The following CCDC175 variants were observed in gnomAD, a reference collection of about 807,000 sequenced individuals.
CCDC175 encodes coiled-coil domain containing 175.
Under a neutral mutation model 114.6 loss-of-function variants are expected in CCDC175, and 100 were observed. The observed-to-expected ratio is 0.87, with a 90% CI of 0.74 to 1.03. CCDC175 has a LOEUF of 1.03. Among genes scored for constraint, CCDC175 ranks in the 50% least tolerant of loss-of-function variants. CCDC175 has a pLI of 0.00. For missense variants in CCDC175, 880 were observed against 917.8 expected (o/e 0.96, Z 0.53); for synonymous variants, 306 against 308.7 (o/e 0.99, Z 0.09).
chr14:59,558,593 C>T (rs1380243412), intron 7 of CCDC175, among the ~76,000 whole-genome samples: 2 of 152,120 alleles, frequency 1.3e-5, no homozygotes, highest in South Asian at 2.1e-4. Context: ...GCTGGACTAA[C>T]TAGGTAAATG....
intron 13 of CCDC175, among the ~76,000 whole-genome samples, chr14:59,537,241 G>C (rs1193480242): frequency 6.6e-6 from 1 of 152,112 alleles, no homozygotes; most frequent in African/African-American, 2.4e-5. Flanking sequence ...GAAAGAACTG[G>C]CTGTCCTTGG....
rs35273647 is a variant in CCDC175 at position 59,575,031 on chromosome 14, G to GAA, written c.158-5_158-4dup. The GAA allele has an allele frequency of 1.1e-3, 1,462 of 1,377,732 alleles. No individual in the cohort carries two copies. The highest frequency in any genetic ancestry group is 3.1e-3 in the African/African-American group (206 of 67,192). The allele number at this position is 1,377,732 out of a possible 1,614,324, so 85.3% of individuals were successfully genotyped here. ...ATAGTCACTTTGCAGTGATTGTTCT[G>GAA]AAAAAAAAATTAGAAAATAAAGATC... On this transcript the variant is annotated splice_polypyrimidine_tract_variant and splice_region_variant and intron_variant, in intron 1 of 19. Transcript: ENST00000537690.
At chr14:59,555,425 T>TA (rs1249908868) in intron 7 of CCDC175, among the ~76,000 whole-genome samples, 1 of 152,196 alleles carries the variant, frequency 6.6e-6, no homozygotes, top group Non-Finnish European at 1.5e-5. Context: ...CCTCCAATGC[T>TA]AAAAACTCTC....
intron 17 of CCDC175, among the ~76,000 whole-genome samples, chr14:59,519,847 C>T (rs769785082): frequency 4.6e-5 from 7 of 152,230 alleles, no homozygotes; most frequent in African/African-American, 1.7e-4. Context: ...ACTTCCACTT[C>T]GTTCTCTTGG....
At chr14:59,506,245 T>C (rs1355291300) in intron 19 of CCDC175, among the ~76,000 whole-genome samples, 1 of 151,732 alleles carries the variant, frequency 6.6e-6, no homozygotes, top group African/African-American at 2.4e-5. Flanking sequence ...CAGAGATTCA[T>C]GTTGAATTGG....
intron 17 of CCDC175, among the ~76,000 whole-genome samples, chr14:59,514,041 T>C (rs1594978336): frequency 6.6e-6 from 1 of 152,210 alleles, no homozygotes. Context: ...CCGCTGCTGA[T>C]ACCCAGGCAA....
chr14:59,549,499 C>T (rs1895323036), intron 8 of CCDC175, among the ~76,000 whole-genome samples: 1 of 151,730 alleles, frequency 6.6e-6, no homozygotes. Context: ...GTGGGTGGAT[C>T]ATTTCAGGTC....
chr14:59,574,770 T>C (rs1897016333), intron 2 of CCDC175, among the ~76,000 whole-genome samples, 173 bp downstream of exon 2: 3 of 152,210 alleles, frequency 2.0e-5, no homozygotes, highest in Non-Finnish European at 4.4e-5. Flanking sequence ...CAATCCACAG[T>C]TGATCAATAA....
At chr14:59,553,992 TTA>T (rs1320999272) in intron 7 of CCDC175, among the ~76,000 whole-genome samples, 6 of 152,134 alleles carry the variant, frequency 3.9e-5, no homozygotes, top group Non-Finnish European at 1.5e-5. Context: ...GGAAAGAGAC[TTA>T]GACTCCCACA....
chr14:59,538,304 T>C, intron 12 of CCDC175, 150 bp from the exon 13 acceptor site: 4 of 669,098 alleles, frequency 6.0e-6, no homozygotes, highest in Non-Finnish European at 9.5e-6. Context: ...AGGAATATTT[T>C]TTTCCTCCAG....
intron 17 of CCDC175, among the ~76,000 whole-genome samples, chr14:59,514,587 G>T (rs1892955632): frequency 6.6e-6 from 1 of 152,182 alleles, no homozygotes; most frequent in South Asian, 2.1e-4. Context: ...TCAAATGAAT[G>T]AAATGAAGCG....
At chr14:59,560,179 T>G (rs1896145459) in intron 7 of CCDC175, among the ~76,000 whole-genome samples, 1 of 152,186 alleles carries the variant, frequency 6.6e-6, no homozygotes, top group African/African-American at 2.4e-5. Flanking sequence ...TGATGGTAGA[T>G]CAGCATTGTA....
chr14:59,560,806 T>C (rs1896187713), intron 7 of CCDC175, among the ~76,000 whole-genome samples: 1 of 152,180 alleles, frequency 6.6e-6, no homozygotes, highest in Non-Finnish European at 1.5e-5. Context: ...GTCCCACTAA[T>C]GCCGTCCCTC....
At chr14:59,575,591 C>T (rs1323901127) in intron 1 of CCDC175, among the ~76,000 whole-genome samples, 2 of 150,098 alleles carry the variant, frequency 1.3e-5, no homozygotes, top group Admixed American at 6.7e-5. Flanking sequence ...CTCACCACAA[C>T]CTCTGCCTTC....
intron 15 of CCDC175, 39 bp from the exon 16 acceptor site, chr14:59,525,473 A>C: frequency 6.8e-7 from 1 of 1,470,980 alleles, no homozygotes; most frequent in Non-Finnish European, 9.1e-7. Context: ...TCTGAGTTCA[A>C]ACAGTAGGGC....
chr14:59,576,047 T>A, intron 1 of CCDC175, among the ~76,000 whole-genome samples: 1 of 152,214 alleles, frequency 6.6e-6, no homozygotes, highest in East Asian at 1.9e-4. Flanking sequence ...TGTCTTACCT[T>A]AAGCTTAAGT....
At chr14:59,575,542 C>T (rs962939281) in intron 1 of CCDC175, among the ~76,000 whole-genome samples, 1 of 138,806 alleles carries the variant, frequency 7.2e-6, no homozygotes, top group African/African-American at 2.7e-5. Context: ...CGGAGTCTCG[C>T]TCTGTCGCGC....
At chr14:59,553,440 G>C (rs1293000498) in intron 7 of CCDC175, among the ~76,000 whole-genome samples, 1 of 152,184 alleles carries the variant, frequency 6.6e-6, no homozygotes, top group East Asian at 1.9e-4. Flanking sequence ...CACCAGGCCT[G>C]CCCTACAAGA....
intron 11 of CCDC175, among the ~76,000 whole-genome samples, chr14:59,540,235 C>CT (rs901518667): frequency 5.3e-5 from 8 of 152,130 alleles, no homozygotes; most frequent in African/African-American, 1.7e-4. Flanking sequence ...TCCTTCCCCA[C>CT]TTTATAGGGA....
Sources: gnomAD v4.1 joint callset for allele counts (sites outside exome capture counted in the v4.1 genomes callset) on GRCh38, gnomAD v4.1.1 for gene constraint, MANE v1.5 for transcripts, NCBI Gene and HGNC (gene_info 2026-07-23, HGNC 2026-07-21) for gene names.